Variants in NCOA7 observed in about 807,000 individuals in gnomAD.
NCOA7 encodes the protein nuclear receptor coactivator 7.
Under a neutral mutation model 104.3 loss-of-function variants are expected in NCOA7, and 45 were observed. The observed-to-expected ratio is 0.43, with a 90% CI of 0.34 to 0.55. The LOEUF is 0.55. NCOA7 is among the 20% of genes least tolerant of loss of function. The pLI, the probability that NCOA7 is intolerant of heterozygous loss-of-function variation, is 0.02. For missense variants in NCOA7, 1,041 were observed against 1,119.7 expected, an observed-to-expected ratio of 0.93 and a Z score of 1.00; for synonymous variants, 398 against 402.3, an observed-to-expected ratio of 0.99 and a Z score of 0.13.
At chr6:125,918,001 C>A (rs1351642760) in intron 11 of NCOA7, among the ~76,000 whole-genome samples, 1 of 152,110 alleles carries the variant, frequency 6.6e-6, no homozygotes, top group Non-Finnish European at 1.5e-5. Context: ...CTCTTGTTTC[C>A]GACTTGTGAA....
chr6:125,919,181 C>A, intron 11 of NCOA7: 1 of 1,500,768 alleles, frequency 6.7e-7, no homozygotes, highest in Non-Finnish European at 8.9e-7. Flanking sequence ...TGGGTGTGTT[C>A]CTGTAGAAAT....
intron 3 of NCOA7, among the ~76,000 whole-genome samples, chr6:125,872,018 A>G (rs1412692156): frequency 6.8e-6 from 1 of 146,282 alleles, no homozygotes; most frequent in Admixed American, 6.7e-5. Flanking sequence ...AAAAAAAAAA[A>G]GACACAAGAC....
intron 2 of NCOA7, among the ~76,000 whole-genome samples, chr6:125,840,392 C>G (rs1780015375): frequency 1.3e-5 from 2 of 151,940 alleles, no homozygotes; most frequent in South Asian, 4.1e-4. Flanking sequence ...TTTAGTGCAG[C>G]CTAAGTATAC....
At chr6:125,926,340 G>A (rs1406806789) in intron 13 of NCOA7, among the ~76,000 whole-genome samples, 1 of 151,598 alleles carries the variant, frequency 6.6e-6, no homozygotes, top group Non-Finnish European at 1.5e-5. Context: ...GGGGGTGGTG[G>A]AATTTTAGCT....
intron 13 of NCOA7, among the ~76,000 whole-genome samples, chr6:125,924,254 G>C (rs1432664712): frequency 2.0e-5 from 3 of 152,238 alleles, no homozygotes; most frequent in African/African-American, 7.2e-5. Flanking sequence ...GTTGAGGAAT[G>C]TGATGGTTCA....
At position 125,928,256 on chromosome 6, in the gene NCOA7, T is replaced by C; in HGVS notation, c.2693+9T>C. The C allele has an allele frequency of 1.3e-6, 2 of 1,599,718 alleles. No homozygotes were observed. The highest frequency in any genetic ancestry group is 2.7e-5 in the African/African-American group (2 of 73,552). ...GAACTTGGTGGTGGAGGGTAAGGTT[T>C]TTTTTGTTTTTGTTTTCTTATTGTT... On this transcript the variant is annotated intron_variant, in intron 15 of 15. Coordinates refer to ENST00000392477, the MANE Select transcript of NCOA7 (RefSeq NM_181782.5).
intron 2 of NCOA7, among the ~76,000 whole-genome samples, chr6:125,827,172 G>A (rs640248): frequency 0.46 from 62,540 of 135,518 alleles, 14,356 homozygotes; most frequent in African/African-American, 0.54. Context: ...TGGGCAACAA[G>A]AGTGAAACTC....
chr6:125,831,218 C>T (rs568567280), intron 2 of NCOA7, among the ~76,000 whole-genome samples: 1 of 152,300 alleles, frequency 6.6e-6, no homozygotes, highest in African/African-American at 2.4e-5. Context: ...GTGACATTTT[C>T]AGGGGCCTTA....
intron 2 of NCOA7, among the ~76,000 whole-genome samples, chr6:125,841,183 C>T (rs1005028457): frequency 6.6e-6 from 1 of 150,868 alleles, no homozygotes; most frequent in Non-Finnish European, 1.5e-5. Context: ...AGCCACCGCG[C>T]CTGGCCTACC....
At position 125,855,127 on chromosome 6, in the gene NCOA7, A is replaced by G. The variant is rs1452331180; in HGVS notation, c.158A>G (p.Asp53Gly). ...AATAATACAGTAGTTTTAGAGCCAG[A>G]CAAGTGCAACATTGCTGTGGAAGAG... ...EDNNTVVLEP[D>G]KCNIAVEEEY... Residue 53 changes from aspartate (D) to glycine (G), a missense_variant, in exon 3 of 16, where the codon GAC becomes GGC. Physicochemically the swap from Asp to Gly is moderately conservative, Grantham distance 94 (BLOSUM62 -1). Transcript: ENST00000392477. 3 of 1,613,398 alleles carry G rather than the reference A, an allele frequency of 1.9e-6. No homozygotes were observed. Among genetic ancestry groups the G allele is most frequent in the South Asian group, 1.1e-5 (1 of 91,090 alleles).
intron 5 of NCOA7, among the ~76,000 whole-genome samples, chr6:125,878,777 A>G (rs148758214): frequency 7.0e-4 from 107 of 152,322 alleles, no homozygotes; most frequent in African/African-American, 2.5e-3. Context: ...TAAGAACTTT[A>G]AGACCTCAAA....
rs143901260 is a variant in NCOA7 at position 125,928,729 on chromosome 6, A to C, written c.2787A>C (p.Glu929Asp). The part of the protein sequence containing the change: ...TFNNDILSKK[E>D]DFIVQDLEVW... Reference sequence around the variant, plus strand: ...ATAATGATATTCTTTCCAAAAAGGAAGACTTCATAGTTCAGGATCTGGAGG... The same window carrying C: ...ATAATGATATTCTTTCCAAAAAGGACGACTTCATAGTTCAGGATCTGGAGG... Residue 929 changes from glutamate (E) to aspartate (D), a missense_variant, in exon 16 of 16, where the codon GAA becomes GAC. By Grantham distance (45) the Glu-to-Asp change is conservative. Around this residue, in one of 2 missense-constraint regions of NCOA7, gnomAD observed 127 missense variants for 177.0 expected, o/e 0.72. Transcript: ENST00000392477. The C allele has an allele frequency of 1.9e-6, 3 of 1,613,892 alleles. No homozygotes were observed. In the African/African-American group the frequency reaches 4.0e-5, roughly 22 times the overall value.
intron 11 of NCOA7, among the ~76,000 whole-genome samples, chr6:125,918,603 A>G (rs902339131): frequency 1.3e-5 from 2 of 152,226 alleles, no homozygotes; most frequent in African/African-American, 4.8e-5. Context: ...ACCTCCTGAC[A>G]TGTGATCTGA....
chr6:125,844,610 TATGAAATGACAAA>T (rs983786975), intron 2 of NCOA7, among the ~76,000 whole-genome samples: 5 of 152,226 alleles, frequency 3.3e-5, no homozygotes, highest in African/African-American at 1.2e-4. Flanking sequence ...AATGGAAAAC[TATGAAATGACAAA>T]ATGAAATGGA....
chr6:125,919,408 C>A (rs1486405514), intron 11 of NCOA7: 2 of 1,612,580 alleles, frequency 1.2e-6, no homozygotes, highest in Non-Finnish European at 1.7e-6. Flanking sequence ...TTGTGCCAGA[C>A]CTGACGAAGA....
At chr6:125,805,440 G>T (rs1232121528) in intron 1 of NCOA7, among the ~76,000 whole-genome samples, 1 of 152,072 alleles carries the variant, frequency 6.6e-6, no homozygotes, top group South Asian at 2.1e-4. Context: ...GAAGAACCAG[G>T]CATTGATGTG....
intron 3 of NCOA7, among the ~76,000 whole-genome samples, chr6:125,856,145 G>T (rs72499757): frequency 6.6e-6 from 1 of 151,970 alleles, no homozygotes; most frequent in African/African-American, 2.4e-5. Flanking sequence ...AGAACTTGGC[G>T]TGGCATACAG....
At chr6:125,881,917 G>A (rs1220111457) in intron 6 of NCOA7, among the ~76,000 whole-genome samples, 4 of 152,078 alleles carry the variant, frequency 2.6e-5, no homozygotes, top group East Asian at 1.9e-4. Flanking sequence ...GCAATGGCAC[G>A]ATCTTCGCTT....
chr6:125,886,914 G>T (rs1019155056), intron 8 of NCOA7, among the ~76,000 whole-genome samples: 3 of 152,334 alleles, frequency 2.0e-5, no homozygotes, highest in African/African-American at 7.2e-5. Flanking sequence ...GTGCACACAC[G>T]TGCAGGACGT....
Sources: allele counts gnomAD v4.1 joint callset (sites outside exome capture counted in the v4.1 genomes callset), GRCh38; gene constraint gnomAD v4.1.1; regional missense constraint gnomAD v4.1.1; transcripts MANE v1.5; gene names NCBI Gene and HGNC (gene_info 2026-07-23, HGNC 2026-07-21).